CNTN4: variants seen among roughly 807,000 people sequenced by gnomAD.
CNTN4 encodes contactin 4.
A neutral mutation model predicts 122.5 loss-of-function variants in CNTN4; 77 were observed. The ratio of observed to expected loss-of-function variants is 0.63; its 90% confidence interval spans 0.52 to 0.76. CNTN4 has a LOEUF of 0.76. Among genes scored for constraint, CNTN4 ranks in the 30% least tolerant of loss-of-function variants. The pLI, the probability that CNTN4 is intolerant of heterozygous loss-of-function variation, is 0.00. For missense variants in CNTN4, 1,256 were observed against 1,259.1 expected, an observed-to-expected ratio of 1.00 and a Z score of 0.04; for synonymous variants, 512 against 447.0, an observed-to-expected ratio of 1.15 and a Z score of -1.83.
At chr3:2,867,054 GT>G in intron 8 of CNTN4, 105 bp downstream of exon 8, 1 of 1,041,514 alleles carries the variant, frequency 9.6e-7, no homozygotes, top group South Asian at 1.3e-5. Flanking sequence ...TAAATTAAAT[GT>G]AAGAAAAGTT....
At chr3:2,610,889 A>C (rs1049092261) in intron 4 of CNTN4, among the ~76,000 whole-genome samples, 1 of 152,178 alleles carries the variant, frequency 6.6e-6, no homozygotes, top group African/African-American at 2.4e-5. Flanking sequence ...TTTTTCAGGT[A>C]TACAATGCAG....
rs141595428 is a variant in CNTN4 at position 2,169,763 on chromosome 3, AG to A, written c.-145+69125del. On this transcript the variant is annotated intron_variant, in intron 2 of 24. Transcript: ENST00000418658. The stretch of plus-strand genomic sequence containing the variant: ...GTGAATATAACAATTCACTGTAAAC[AG>A]TAAAACTGTTTCTGTTTTAAGTTAA... Among the ~76,000 whole-genome samples, 895 of 152,334 alleles carry A rather than the reference AG, an allele frequency of 5.9e-3. 11 individuals carry two copies. Among genetic ancestry groups the A allele is most frequent in the African/African-American group, 0.02 (831 of 41,574 alleles).
intron 14 of CNTN4, chr3:3,009,144 T>A: frequency 1.9e-6 from 1 of 533,080 alleles, no homozygotes; most frequent in Non-Finnish European, 2.4e-6. Flanking sequence ...AATGTTAGAC[T>A]ATAAGAGTTG....
chr3:2,542,337 A>G (rs1310562322), intron 3 of CNTN4, among the ~76,000 whole-genome samples: 2 of 152,102 alleles, frequency 1.3e-5, no homozygotes, highest in Non-Finnish European at 2.9e-5. Flanking sequence ...ACTTCCATGG[A>G]CTCAGGTTGA....
At chr3:2,794,168 C>G (rs1217051689) in intron 6 of CNTN4, among the ~76,000 whole-genome samples, 2 of 152,144 alleles carry the variant, frequency 1.3e-5, no homozygotes, top group East Asian at 3.9e-4. Flanking sequence ...TTTACAGATT[C>G]TGAGCCTCAA....
chr3:2,539,234 G>A (rs1007598730), intron 3 of CNTN4, among the ~76,000 whole-genome samples: 4 of 152,038 alleles, frequency 2.6e-5, no homozygotes, highest in African/African-American at 9.7e-5. Context: ...ATACAAAACA[G>A]TAATGTAGGG....
intron 5 of CNTN4, among the ~76,000 whole-genome samples, chr3:2,737,631 A>G (rs1239421341): frequency 1.3e-5 from 2 of 152,238 alleles, no homozygotes; most frequent in African/African-American, 4.8e-5. Flanking sequence ...GTGGGTTTGG[A>G]ACCGAAAGAA....
At position 2,521,898 on chromosome 3, in the gene CNTN4, G is replaced by A. The variant is rs139084791; in HGVS notation, c.-88-49518G>A. On this transcript the variant is annotated intron_variant, in intron 3 of 24. Transcript: ENST00000418658. ...GGGGGCATCTGACATCATCAGAGGCGCAAAAGTAATCGTGCTTATCACTAA... is the reference window on the plus strand; with the variant it reads ...GGGGGCATCTGACATCATCAGAGGCACAAAAGTAATCGTGCTTATCACTAA... Among the ~76,000 whole-genome samples the A allele has an allele frequency of 3.8e-3, 573 of 152,112 alleles. 5 individuals are homozygous for A. Among genetic ancestry groups the A allele is most frequent in the African/African-American group, 0.013 (542 of 41,516 alleles).
At chr3:2,445,941 G>C (rs762826096) in intron 3 of CNTN4, among the ~76,000 whole-genome samples, 10 of 152,098 alleles carry the variant, frequency 6.6e-5, no homozygotes, top group Non-Finnish European at 1.2e-4. Flanking sequence ...TGATTCTTGA[G>C]GGTAGTGACT....
At chr3:2,937,112 C>T (rs2094573626) in intron 13 of CNTN4, among the ~76,000 whole-genome samples, 1 of 152,192 alleles carries the variant, frequency 6.6e-6, no homozygotes, top group Admixed American at 6.5e-5. Context: ...TGATCTTCCC[C>T]CACCTTGGGT....
intron 3 of CNTN4, among the ~76,000 whole-genome samples, chr3:2,498,700 C>G (rs1313113274): frequency 1.3e-5 from 2 of 151,950 alleles, no homozygotes; most frequent in Non-Finnish European, 2.9e-5. Context: ...CAGGCTGATA[C>G]TGAACTCTTG....
rs1275156099 is a variant in CNTN4, at chr3:2,120,387, ATATATATATATATATATATTTT to A, written c.-145+19750_-145+19771del. On this transcript the variant is annotated intron_variant, in intron 2 of 24. Transcript: ENST00000418658. ...TATATATATATAAATATATATATATATATATATATATATATATATTTTTTTTTTTTTTTTTATGCAGAGTCTC... is the reference window on the plus strand; with the variant it reads ...TATATATATATAAATATATATATATATTTTTTTTTTTTTATGCAGAGTCTC... 7.2e-4 allele frequency among the ~76,000 whole-genome samples: 64 copies of A among 89,412 alleles called. 1 individual carries two copies. Among genetic ancestry groups the A allele is most frequent in the Non-Finnish European group, 8.9e-4 (43 of 48,374 alleles). The allele number at this position is 89,412 out of a possible 152,430, so 58.7% of individuals were successfully genotyped here. A position where few individuals can be genotyped will look rare whatever the true frequency, so the allele number is the denominator to read the frequency against.
At chr3:2,913,966 C>G (rs934587708) in intron 12 of CNTN4, among the ~76,000 whole-genome samples, 4 of 152,130 alleles carry the variant, frequency 2.6e-5, no homozygotes, top group African/African-American at 9.7e-5. Flanking sequence ...TCCTCTCGGA[C>G]TATGACGGAA....
rs77831154 is a variant in CNTN4, at chr3:2,806,940, C to T, written c.359-12546C>T. On this transcript the variant is annotated intron_variant, in intron 6 of 24. Transcript: ENST00000418658. ...AATTTTCATATTAACATCCCCTATC[C>T]GGTTTCTCTAGCTTATTTTTCTGTA... Among the ~76,000 whole-genome samples, 118 of 152,228 alleles carry T rather than the reference C, an allele frequency of 7.8e-4. No homozygotes were observed. In the East Asian group the frequency reaches 0.01, roughly 13 times the overall value.
chr3:2,857,776 G>A (rs2093631903), intron 7 of CNTN4, among the ~76,000 whole-genome samples: 1 of 152,060 alleles, frequency 6.6e-6, no homozygotes, highest in South Asian at 2.1e-4. Context: ...GTAGAGATGT[G>A]GTCTTATTAT....
intron 4 of CNTN4, among the ~76,000 whole-genome samples, chr3:2,576,033 C>T (rs1421501782): frequency 2.0e-5 from 3 of 151,940 alleles, no homozygotes; most frequent in Admixed American, 1.3e-4. Context: ...GACGGGGTTT[C>T]ACCATGTTAG....
intron 6 of CNTN4, among the ~76,000 whole-genome samples, chr3:2,775,531 T>A (rs1399850801): frequency 6.6e-6 from 1 of 152,190 alleles, no homozygotes; most frequent in Non-Finnish European, 1.5e-5. Context: ...GTGATTCTCA[T>A]GCCTCAGCCT....
intron 6 of CNTN4, among the ~76,000 whole-genome samples, chr3:2,787,616 T>G (rs2091878177): frequency 6.6e-6 from 1 of 152,152 alleles, no homozygotes; most frequent in African/African-American, 2.4e-5. Flanking sequence ...GAATTCAGAT[T>G]TAGTCTAGTT....
chr3:2,407,129 C>T (rs1471517766), intron 3 of CNTN4, among the ~76,000 whole-genome samples: 4 of 151,988 alleles, frequency 2.6e-5, no homozygotes, highest in Admixed American at 6.6e-5. Flanking sequence ...TATACAACAG[C>T]GGACAAGGGA....
Sources: gnomAD v4.1 joint callset for allele counts (sites outside exome capture counted in the v4.1 genomes callset) on GRCh38, gnomAD v4.1.1 for gene constraint, MANE v1.5 for transcripts, NCBI Gene and HGNC (gene_info 2026-07-23, HGNC 2026-07-21) for gene names.